The following PICALM variants were observed in gnomAD, a reference collection of about 807,000 sequenced individuals.
PICALM encodes the protein phosphatidylinositol binding clathrin assembly protein.
Under a neutral mutation model 80.5 loss-of-function variants are expected in PICALM, and 40 were observed. That is an observed-to-expected ratio of 0.50 (90% confidence interval 0.39 to 0.65). The LOEUF (loss-of-function observed/expected upper bound fraction) is 0.65, where lower values mean the gene tolerates loss of function less well. Among genes scored for constraint, PICALM ranks in the 30% least tolerant of loss-of-function variants. PICALM has a pLI of 0.00. For missense variants in PICALM, 676 were observed against 778.9 expected, an observed-to-expected ratio of 0.87 and a Z score of 1.57; for synonymous variants, 288 against 260.3, an observed-to-expected ratio of 1.11 and a Z score of -1.02.
At chr11:86,036,406 T>C (rs1433409816) in intron 1 of PICALM, among the ~76,000 whole-genome samples, 1 of 152,230 alleles carries the variant, frequency 6.6e-6, no homozygotes, top group African/African-American at 2.4e-5. Context: ...CACAATGTTT[T>C]ATTTTTATAT....
At chr11:85,980,635 C>A (rs548500053) in intron 17 of PICALM, among the ~76,000 whole-genome samples, 2 of 152,126 alleles carry the variant, frequency 1.3e-5, no homozygotes, top group South Asian at 4.1e-4. Context: ...AGTATAGTTT[C>A]TTTACCAATA....
intron 13 of PICALM, 36 bp downstream of exon 13, chr11:85,990,214 A>G (rs1185107094): frequency 3.0e-6 from 4 of 1,344,062 alleles, no homozygotes; most frequent in Non-Finnish European, 4.2e-6. Context: ...GGCAGTATAA[A>G]CATTGATTGG....
chr11:85,998,728 T>C (rs1443547453), intron 11 of PICALM, among the ~76,000 whole-genome samples: 1 of 152,088 alleles, frequency 6.6e-6, no homozygotes, highest in Non-Finnish European at 1.5e-5. Context: ...CAGTGAGCCA[T>C]GGCTGTGCCA....
chr11:86,049,446 C>CA (rs554847107), intron 1 of PICALM, among the ~76,000 whole-genome samples: 110 of 152,324 alleles, frequency 7.2e-4, no homozygotes, highest in African/African-American at 2.6e-3. Context: ...AATAAATCTT[C>CA]ACACTGATCT....
At chr11:86,044,094 G>A (rs1293530288) in intron 1 of PICALM, among the ~76,000 whole-genome samples, 4 of 152,154 alleles carry the variant, frequency 2.6e-5, no homozygotes, top group East Asian at 3.8e-4. Flanking sequence ...TACAATAGTG[G>A]ACAAAGTTTC....
At chr11:85,972,658 C>T (rs550193905) in intron 19 of PICALM, among the ~76,000 whole-genome samples, 2 of 152,050 alleles carry the variant, frequency 1.3e-5, no homozygotes, top group Admixed American at 1.3e-4. Flanking sequence ...CTTCTGTAGT[C>T]GAAGGTCCCT....
intron 1 of PICALM, among the ~76,000 whole-genome samples, chr11:86,061,330 C>CAAAAAAAAAAAA (rs58836221): frequency 6.4e-4 from 52 of 81,144 alleles, no homozygotes; most frequent in African/African-American, 1.1e-3. Context: ...GACTCCATCT[C>CAAAAAAAAAAAA]AAAAAAAAAA....
rs753642858 is a variant in PICALM, at chr11:86,022,396, A to C, written c.423T>G (p.Val141=). 2.0e-5 allele frequency: 32 copies of C among 1,590,956 alleles called. No homozygotes were observed. Among genetic ancestry groups the C allele is most frequent in the Non-Finnish European group, 2.5e-5 (29 of 1,169,732 alleles). The change falls in exon 4 of 20, where the codon GTT becomes GTG. Residue 141 remains valine (V), a synonymous_variant. Transcript: ENST00000393346. ...TCTTCACTTTTGTGAAATCAAATGC[A>C]ACTTGTCTGTATGAAACTGCTTTCT... ...LNEKAVSYRQ[V]AFDFTKVKRG...
chr11:85,982,855 G>A (rs1414600034), intron 14 of PICALM, among the ~76,000 whole-genome samples: 3 of 152,026 alleles, frequency 2.0e-5, no homozygotes, highest in African/African-American at 7.2e-5. Flanking sequence ...AATTCTTTAA[G>A]TTTTCCTCAC....
chr11:86,010,204 G>A (rs925620357), intron 7 of PICALM, among the ~76,000 whole-genome samples: 9 of 152,070 alleles, frequency 5.9e-5, no homozygotes, highest in African/African-American at 1.4e-4. Context: ...CCTGCCTTCC[G>A]TGACAATTTC....
chr11:86,045,728 C>T (rs1169868131), intron 1 of PICALM, among the ~76,000 whole-genome samples: 1 of 152,000 alleles, frequency 6.6e-6, no homozygotes, highest in Non-Finnish European at 1.5e-5. Context: ...TATGAAGAGT[C>T]TCCTAAATTT....
chr11:85,972,027 C>T (rs1328801369), intron 19 of PICALM, among the ~76,000 whole-genome samples: 1 of 152,074 alleles, frequency 6.6e-6, no homozygotes, highest in East Asian at 1.9e-4. Flanking sequence ...AGGTGATCTA[C>T]TCACCTTGGC....
chr11:85,973,979 G>A (rs1461788234), intron 19 of PICALM, among the ~76,000 whole-genome samples: 1 of 151,964 alleles, frequency 6.6e-6, no homozygotes, highest in Non-Finnish European at 1.5e-5. Flanking sequence ...TCATCCCAGA[G>A]TATGCCACCA....
chr11:86,026,212 A>G, intron 3 of PICALM, 80 bp downstream of exon 3: 1 of 772,586 alleles, frequency 1.3e-6, no homozygotes, highest in South Asian at 1.5e-5. Flanking sequence ...ACATGTTCTA[A>G]AAGACAGAGT....
intron 5 of PICALM, 39 bp from the exon 6 acceptor site, chr11:86,012,431 GTTTTAAATGACA>G: frequency 9.0e-7 from 1 of 1,115,288 alleles, no homozygotes; most frequent in Non-Finnish European, 1.4e-6. Context: ...CTAATCTTAG[GTTTTAAATGACA>G]TTGACAAAAA....
chr11:86,065,319 G>A (rs1198504890), intron 1 of PICALM, among the ~76,000 whole-genome samples: 2 of 151,844 alleles, frequency 1.3e-5, no homozygotes, highest in South Asian at 2.1e-4. Flanking sequence ...GGTGGCATGC[G>A]CCTGTAGTCA....
At chr11:86,056,512 C>T (rs1004833887) in intron 1 of PICALM, among the ~76,000 whole-genome samples, 2 of 151,758 alleles carry the variant, frequency 1.3e-5, no homozygotes, top group East Asian at 3.9e-4. Context: ...AACTAAAATC[C>T]TGAAAATAAC....
chr11:85,991,980 C>T lies in PICALM; in HGVS notation c.1259-1581G>A, dbSNP rs1249342676. On this transcript the variant is annotated intron_variant, in intron 12 of 19. Transcript: ENST00000393346. ...AAGTGATGCTCCCACCTCAGCCTTC[C>T]GAGTAGCTGAGACTACAGGCATGTG... Among the ~76,000 whole-genome samples, 7 of 152,028 alleles carry T rather than the reference C, an allele frequency of 4.6e-5. No homozygotes were observed. In the East Asian group the frequency reaches 5.8e-4, roughly 13 times the overall value.
intron 19 of PICALM, among the ~76,000 whole-genome samples, chr11:85,970,658 A>C (rs2094074891): frequency 6.6e-6 from 1 of 152,180 alleles, no homozygotes; most frequent in Non-Finnish European, 1.5e-5. Flanking sequence ...TCTACTAAAA[A>C]TTAGTTGGGT....
Sources: allele counts gnomAD v4.1 joint callset (sites outside exome capture counted in the v4.1 genomes callset), GRCh38; gene constraint gnomAD v4.1.1; transcripts MANE v1.5; gene names NCBI Gene and HGNC (gene_info 2026-07-23, HGNC 2026-07-21).